CUL5: variants seen among roughly 807,000 people sequenced by gnomAD.
The protein encoded by CUL5 is cullin-5.
A neutral mutation model predicts 108.8 loss-of-function variants in CUL5; 26 were observed. That is an observed-to-expected ratio of 0.24 (90% CI 0.18 to 0.33). The LOEUF is 0.33. CUL5 is among the 10% of genes least tolerant of loss of function. The probability of loss-of-function intolerance (pLI) is 1.00; values close to 1 mark genes in which losing one functional copy is unlikely to be tolerated. For missense variants in CUL5, 524 were observed against 909.2 expected, an observed-to-expected ratio of 0.58 and a Z score of 5.45; for synonymous variants, 334 against 298.0, an observed-to-expected ratio of 1.12 and a Z score of -1.25.
intron 1 of CUL5, among the ~76,000 whole-genome samples, chr11:108,022,791 A>G (rs1591276680): frequency 2.0e-5 from 3 of 152,316 alleles, no homozygotes; most frequent in Admixed American, 1.3e-4. Context: ...GTTCAAGACT[A>G]CAGTGAGCAG....
chr11:108,049,974 T>A lies in CUL5; in HGVS notation c.319T>A (p.Leu107Ile). The A allele has an allele frequency of 6.2e-7, 1 of 1,613,796 alleles. No homozygotes were observed. The highest frequency in any genetic ancestry group is 1.1e-5 in the South Asian group (1 of 91,066). ...AAAGTTCTTTACACAATGTGATATT[T>A]TACCAAAACCTTTTTGTCAACTAGA... ...WRKFFTQCDI[L>I]PKPFCQLEIT... Residue 107 changes from leucine (L) to isoleucine (I), a missense_variant, in exon 4 of 19, where the codon TTA becomes ATA. Physicochemically the swap from Leu to Ile is conservative, Grantham distance 5. Transcript: ENST00000393094.
intron 1 of CUL5, among the ~76,000 whole-genome samples, chr11:108,029,635 A>G (rs921807841): frequency 1.3e-5 from 2 of 152,234 alleles, no homozygotes; most frequent in African/African-American, 4.8e-5. Context: ...TTTAATAGAG[A>G]ATAGGTCAAG....
At chr11:108,059,444 G>A (rs917516380) in intron 7 of CUL5, among the ~76,000 whole-genome samples, 14 of 152,154 alleles carry the variant, frequency 9.2e-5, no homozygotes, top group African/African-American at 2.9e-4. Context: ...CCAGGGCACC[G>A]ATAGGGAGGG....
intron 1 of CUL5, among the ~76,000 whole-genome samples, chr11:108,025,285 T>C (rs985583467): frequency 6.6e-6 from 1 of 152,070 alleles, no homozygotes; most frequent in Admixed American, 6.6e-5. Flanking sequence ...CTTTTGGTGA[T>C]TTTTTTTGTC....
At chr11:108,016,801 A>C (rs552152997) in intron 1 of CUL5, among the ~76,000 whole-genome samples, 17 of 152,190 alleles carry the variant, frequency 1.1e-4, no homozygotes, top group Middle Eastern at 3.4e-3. Context: ...AACAAACAAA[A>C]AAAAACAAAC....
At position 108,009,345 on chromosome 11, in the gene CUL5, G is replaced by A. The variant is rs760477694; in HGVS notation, c.-4G>A. The stretch of plus-strand genomic sequence containing the variant: ...TCGTCTCGCGAGAGTCCAAGTTAAA[G>A]AACATGGCGACGTCTAATCTGTTAA... On this transcript the variant is annotated 5_prime_UTR_variant, in exon 1 of 19. Coordinates refer to ENST00000393094, the MANE Select transcript of CUL5 (RefSeq NM_003478.6). The A allele has an allele frequency of 4.3e-6, 7 of 1,613,346 alleles. No homozygotes were observed. Among genetic ancestry groups the A allele is most frequent in the South Asian group, 3.3e-5 (3 of 91,010 alleles).
intron 5 of CUL5, among the ~76,000 whole-genome samples, chr11:108,053,590 G>C (rs1436800678): frequency 2.0e-5 from 3 of 150,916 alleles, no homozygotes. Context: ...TATTGCTGTT[G>C]TTTAACCCAT....
At chr11:108,046,504 T>C in intron 3 of CUL5, 135 bp downstream of exon 3, 1 of 558,960 alleles carries the variant, frequency 1.8e-6, no homozygotes, top group South Asian at 2.7e-5. Flanking sequence ...GTTAAATAAA[T>C]TTATTAATGA....
At chr11:108,080,487 G>C (rs146095492) in intron 11 of CUL5, among the ~76,000 whole-genome samples, 1 of 151,928 alleles carries the variant, frequency 6.6e-6, no homozygotes, top group African/African-American at 2.4e-5. Flanking sequence ...CATCCACCTC[G>C]TGGGTTCAAG....
chr11:108,099,682 A>G (rs1257995033), intron 18 of CUL5, among the ~76,000 whole-genome samples: 2 of 152,210 alleles, frequency 1.3e-5, no homozygotes, highest in African/African-American at 2.4e-5. Flanking sequence ...ACATTACCCA[A>G]TTAAGATACA....
chr11:108,095,767 T>C, intron 16 of CUL5, 76 bp downstream of exon 16: 1 of 1,270,438 alleles, frequency 7.9e-7, no homozygotes, highest in Non-Finnish European at 1.1e-6. Context: ...TTGTAATATA[T>C]TAGTAAATTC....
chr11:108,105,312 A>T lies in CUL5; in HGVS notation c.*928A>T, dbSNP rs183971995. 328 of 152,338 alleles carry T rather than the reference A, an allele frequency of 2.2e-3. No individual in the cohort carries two copies. The highest frequency in any genetic ancestry group is 7.4e-3 in the African/African-American group (306 of 41,504). 9.4% of individuals were successfully genotyped at this position (152,338 alleles called of 1,614,324 possible). A position where few individuals can be genotyped will look rare whatever the true frequency, so the allele number is the denominator to read the frequency against. On this transcript the variant is annotated 3_prime_UTR_variant, in exon 19 of 19. Coordinates refer to ENST00000393094, the MANE Select transcript of CUL5 (RefSeq NM_003478.6). ...TGAATTTATTAAAAACAACACAGAA[A>T]TCTCCTGCTCTGATATAGTTATGTA...
chr11:108,016,103 A>G (rs1195005104), intron 1 of CUL5, among the ~76,000 whole-genome samples: 3 of 151,970 alleles, frequency 2.0e-5, no homozygotes, highest in Non-Finnish European at 2.9e-5. Context: ...TTTTATAGAG[A>G]TGGGATCTCA....
At chr11:108,051,241 G>A (rs1035384856) in intron 4 of CUL5, among the ~76,000 whole-genome samples, 4 of 152,140 alleles carry the variant, frequency 2.6e-5, no homozygotes, top group African/African-American at 7.2e-5. Context: ...TTCTGGCTGC[G>A]ATTTAATTTG....
intron 16 of CUL5, among the ~76,000 whole-genome samples, 169 bp from the exon 17 acceptor site, chr11:108,097,467 C>T (rs1057399826): frequency 1.3e-5 from 2 of 152,142 alleles, no homozygotes; most frequent in African/African-American, 4.8e-5. Flanking sequence ...CTCTTTTCAC[C>T]TCTTCTCTTT....
At chr11:108,049,854 G>A (rs771221824) in intron 3 of CUL5, 36 bp from the exon 4 acceptor site, 5 of 1,546,526 alleles carry the variant, frequency 3.2e-6, no homozygotes, top group Non-Finnish European at 3.5e-6. Context: ...CAAAGCAACT[G>A]CATTTATTTC....
At chr11:108,047,608 GAAATT>G (rs956980824) in intron 3 of CUL5, among the ~76,000 whole-genome samples, 1 of 152,104 alleles carries the variant, frequency 6.6e-6, no homozygotes, top group Non-Finnish European at 1.5e-5. Flanking sequence ...TATTACTTAA[GAAATT>G]AAGTGTTTTA....
intron 5 of CUL5, among the ~76,000 whole-genome samples, chr11:108,054,205 T>G (rs993544130): frequency 6.6e-6 from 1 of 152,212 alleles, no homozygotes; most frequent in Non-Finnish European, 1.5e-5. Flanking sequence ...CACAACCATT[T>G]GTAATTTACC....
intron 13 of CUL5, among the ~76,000 whole-genome samples, chr11:108,093,588 AAGT>A (rs1276893028): frequency 1.3e-5 from 2 of 152,126 alleles, no homozygotes; most frequent in African/African-American, 4.8e-5. Flanking sequence ...TCTTTTTTGT[AAGT>A]AGTCATGTGG....
Sources: gnomAD v4.1 joint callset for allele counts (sites outside exome capture counted in the v4.1 genomes callset) on GRCh38, gnomAD v4.1.1 for gene constraint, MANE v1.5 for transcripts, NCBI Gene and HGNC (gene_info 2026-07-23, HGNC 2026-07-21) for gene names.